NELL2: variants seen among roughly 807,000 people sequenced by gnomAD.
NELL2 encodes the protein protein kinase C-binding protein NELL2.
A neutral mutation model predicts 109.6 loss-of-function variants in NELL2; 41 were observed. The observed-to-expected ratio is 0.37, with a 90% CI of 0.29 to 0.49. The LOEUF (loss-of-function observed/expected upper bound fraction) is 0.49. Among genes scored for constraint, NELL2 ranks in the 20% least tolerant of loss-of-function variants. The probability of loss-of-function intolerance (pLI) is 0.98; values close to 1 mark genes in which losing one functional copy is unlikely to be tolerated. For missense variants in NELL2, 900 were observed against 1,008.3 expected (o/e 0.89, Z 1.45); for synonymous variants, 355 against 344.7 (o/e 1.03, Z -0.33).
intron 15 of NELL2, among the ~76,000 whole-genome samples, chr12:44,580,612 C>T (rs1310007961): frequency 1.3e-5 from 2 of 152,112 alleles, no homozygotes; most frequent in Admixed American, 1.3e-4. Flanking sequence ...ACTCGGGAGG[C>T]TGAGGCAGAA....
At chr12:44,832,732 A>G (rs1943925535) in intron 2 of NELL2, among the ~76,000 whole-genome samples, 1 of 152,252 alleles carries the variant, frequency 6.6e-6, no homozygotes, top group Non-Finnish European at 1.5e-5. Context: ...ACTAGAACAC[A>G]TACAAAAACA....
chr12:44,648,912 G>GTGTGTGTGTGTGTC (rs1947200795), intron 13 of NELL2, among the ~76,000 whole-genome samples: 1 of 144,814 alleles, frequency 6.9e-6, no homozygotes, highest in African/African-American at 2.6e-5. Flanking sequence ...GTGTGTGTGT[G>GTGTGTGTGTGTGTC]TGTGTGTGTG....
At chr12:44,764,846 G>C (rs551013610) in intron 9 of NELL2, among the ~76,000 whole-genome samples, 2 of 151,318 alleles carry the variant, frequency 1.3e-5, no homozygotes, top group East Asian at 3.9e-4. Flanking sequence ...AGATCAAAAA[G>C]AGAGAGAGAG....
At chr12:44,528,917 C>T (rs1442264272) in intron 16 of NELL2, among the ~76,000 whole-genome samples, 1 of 152,094 alleles carries the variant, frequency 6.6e-6, no homozygotes, top group Non-Finnish European at 1.5e-5. Flanking sequence ...GCAAAGAAAT[C>T]TGTTTCATAT....
chr12:44,639,176 T>G (rs1670684923), intron 13 of NELL2, among the ~76,000 whole-genome samples: 2 of 152,150 alleles, frequency 1.3e-5, no homozygotes, highest in Admixed American at 6.6e-5. Flanking sequence ...GACAGCTTAT[T>G]CTTGGTATTC....
At chr12:44,883,870 A>C (rs1945442607) in intron 1 of NELL2, among the ~76,000 whole-genome samples, 3 of 151,972 alleles carry the variant, frequency 2.0e-5, no homozygotes, top group Admixed American at 2.0e-4. Flanking sequence ...AATTCTAAAA[A>C]TATTTAAATA....
chr12:44,918,797 G>A (rs1945847945), upstream of NELL2, among the ~76,000 whole-genome samples: 1 of 152,070 alleles, frequency 6.6e-6, no homozygotes, highest in Admixed American at 6.6e-5. Context: ...GTCATGCAGA[G>A]GAGATTAATG....
At chr12:44,912,318 T>C (rs998754946) in intron 1 of NELL2, among the ~76,000 whole-genome samples, 5 of 152,218 alleles carry the variant, frequency 3.3e-5, no homozygotes, top group African/African-American at 7.2e-5. Flanking sequence ...CACAGACTAC[T>C]AGTTCTATGG....
chr12:44,743,960 T>G (rs376557083), intron 9 of NELL2, among the ~76,000 whole-genome samples: 1 of 152,090 alleles, frequency 6.6e-6, no homozygotes, highest in South Asian at 2.1e-4. Context: ...CTAATAGACA[T>G]CTACAGAACT....
At chr12:44,682,025 G>T (rs1948526783) in intron 12 of NELL2, among the ~76,000 whole-genome samples, 2 of 151,640 alleles carry the variant, frequency 1.3e-5, no homozygotes, top group African/African-American at 4.9e-5. Flanking sequence ...CTAGTTTACA[G>T]TCCCACCAAC....
intron 12 of NELL2, among the ~76,000 whole-genome samples, chr12:44,675,366 G>A (rs1484403043): frequency 6.6e-6 from 1 of 152,128 alleles, no homozygotes; most frequent in Non-Finnish European, 1.5e-5. Flanking sequence ...TGTGGCTGCA[G>A]TGGTTTCTGA....
At chr12:44,531,678 C>T (rs1942066756) in intron 16 of NELL2, among the ~76,000 whole-genome samples, 1 of 152,214 alleles carries the variant, frequency 6.6e-6, no homozygotes, top group African/African-American at 2.4e-5. Context: ...GGATAAAAAA[C>T]ATCTTATCAT....
intron 13 of NELL2, among the ~76,000 whole-genome samples, chr12:44,619,446 G>C (rs1279401828): frequency 6.8e-6 from 1 of 145,998 alleles, no homozygotes; most frequent in East Asian, 2.1e-4. Context: ...TAGATGAGGA[G>C]AGATTAACAT....
intron 3 of NELL2, among the ~76,000 whole-genome samples, chr12:44,794,135 G>C (rs1942533226): frequency 6.6e-6 from 1 of 152,170 alleles, no homozygotes; most frequent in South Asian, 2.1e-4. Flanking sequence ...AGATCACTGG[G>C]TTCACATTCA....
chr12:44,684,871 G>T (rs887022028), intron 12 of NELL2, among the ~76,000 whole-genome samples: 4 of 152,084 alleles, frequency 2.6e-5, no homozygotes, highest in Non-Finnish European at 1.5e-5. Context: ...GTGTGGTGTG[G>T]TGCTGAAAAA....
At chr12:44,646,175 C>T (rs1475144361) in intron 13 of NELL2, among the ~76,000 whole-genome samples, 1 of 151,972 alleles carries the variant, frequency 6.6e-6, no homozygotes, top group Non-Finnish European at 1.5e-5. Context: ...AAATATCTCA[C>T]ATATATATTA....
intron 15 of NELL2, among the ~76,000 whole-genome samples, chr12:44,552,906 G>C (rs1175726583): frequency 6.6e-6 from 1 of 151,812 alleles, no homozygotes; most frequent in Admixed American, 6.6e-5. Flanking sequence ...GATTTTATTT[G>C]GTCAGCTTCT....
intron 15 of NELL2, among the ~76,000 whole-genome samples, chr12:44,553,286 G>A (rs28502085): frequency 1.7e-4 from 25 of 145,818 alleles, no homozygotes; most frequent in East Asian, 2.0e-4. Flanking sequence ...AATAAAAAAA[G>A]AAAAAAAAAA....
intron 12 of NELL2, among the ~76,000 whole-genome samples, chr12:44,698,700 G>A (rs1949134272): frequency 6.6e-6 from 1 of 152,168 alleles, no homozygotes. Flanking sequence ...TTGTTAATTT[G>A]AAGAAATGTC....
Sources: gnomAD v4.1 joint callset for allele counts (sites outside exome capture counted in the v4.1 genomes callset) on GRCh38, gnomAD v4.1.1 for gene constraint, MANE v1.5 for transcripts, NCBI Gene and HGNC (gene_info 2026-07-23, HGNC 2026-07-21) for gene names.